Variants in MGAT4C observed in about 807,000 individuals in gnomAD.
The protein encoded by MGAT4C is MGAT4 family member C, also known as alpha-1,3-mannosyl-glycoprotein 4-beta-N-acetylglucosaminyltransferase C.
MGAT4C carries 19 observed loss-of-function variants against 40.1 expected under a neutral mutation model. That is an observed-to-expected ratio of 0.47 (90% CI 0.33 to 0.70). The LOEUF (loss-of-function observed/expected upper bound fraction) is 0.70, where lower values mean the gene tolerates loss of function less well. Ranked by LOEUF, MGAT4C falls within the 30% of genes least tolerant of loss-of-function variation. The pLI is 0.02. For synonymous variants in MGAT4C, 181 were observed against 187.1 expected (o/e 0.97, Z 0.27); for missense variants, 491 against 563.2 (o/e 0.87, Z 1.30).
intron 4 of MGAT4C, among the ~76,000 whole-genome samples, chr12:86,293,821 T>C (rs935336500): frequency 2.6e-5 from 4 of 152,144 alleles, no homozygotes; most frequent in Non-Finnish European, 5.9e-5. Flanking sequence ...CTGCATTCAC[T>C]CACTCCATCC....
At chr12:86,282,847 T>C (rs1183746984) in intron 4 of MGAT4C, among the ~76,000 whole-genome samples, 2 of 152,106 alleles carry the variant, frequency 1.3e-5, no homozygotes, top group African/African-American at 4.8e-5. Context: ...CTTTTCTATA[T>C]TGCATATCTT....
At chr12:86,733,686 G>T (rs991494796) in intron 1 of MGAT4C, among the ~76,000 whole-genome samples, 1 of 151,994 alleles carries the variant, frequency 6.6e-6, no homozygotes, top group South Asian at 2.1e-4. Flanking sequence ...TAATATAATT[G>T]TACTGTATGA....
At chr12:86,105,333 A>G (rs1304366708) in intron 1 of MGAT4C, among the ~76,000 whole-genome samples, 1 of 152,186 alleles carries the variant, frequency 6.6e-6, no homozygotes, top group Non-Finnish European at 1.5e-5. Flanking sequence ...CATGAACAAC[A>G]AAACCAAAAA....
chr12:86,069,885 G>T (rs967472554), intron 1 of MGAT4C, among the ~76,000 whole-genome samples: 2 of 151,826 alleles, frequency 1.3e-5, no homozygotes, highest in African/African-American at 4.8e-5. Flanking sequence ...TTATTAAAAT[G>T]GAAGTCAGAT....
At position 85,967,040 on chromosome 12, in the gene MGAT4C, TATA is replaced by T. The variant is rs1883403317; in HGVS notation, c.*12246_*12248del. The T allele has an allele frequency of 6.6e-6, 1 of 152,144 alleles. No individual in the cohort carries two copies. Among genetic ancestry groups the T allele is most frequent in the African/African-American group, 2.4e-5 (1 of 41,432 alleles). The allele number at this position is 152,144 out of a possible 1,614,324, so 9.4% of individuals were successfully genotyped here. ...TGCACATGTACCCTAAAACTTAAAGTATAATAATAAAAAAATTCTTAGTTATTT... is the reference window on the plus strand; with the variant it reads ...TGCACATGTACCCTAAAACTTAAAGTATAATAAAAAAATTCTTAGTTATTT... On this transcript the variant is annotated 3_prime_UTR_variant, in exon 5 of 5. Coordinates refer to ENST00000611864, the MANE Select transcript of MGAT4C (RefSeq NM_001351288.2).
At chr12:86,335,511 T>C (rs1035645827) in intron 3 of MGAT4C, among the ~76,000 whole-genome samples, 8 of 152,076 alleles carry the variant, frequency 5.3e-5, no homozygotes, top group African/African-American at 1.9e-4. Flanking sequence ...TAATATCCTC[T>C]GGTAGAATGG....
intron 4 of MGAT4C, among the ~76,000 whole-genome samples, chr12:86,311,814 C>G (rs1393494224): frequency 2.0e-5 from 3 of 152,162 alleles, no homozygotes; most frequent in Non-Finnish European, 4.4e-5. Context: ...CCCCACTTCC[C>G]CATCTTGGGT....
chr12:86,003,068 CAGGA>C (rs1887514730), intron 2 of MGAT4C, among the ~76,000 whole-genome samples: 2 of 152,056 alleles, frequency 1.3e-5, no homozygotes, highest in Non-Finnish European at 2.9e-5. Flanking sequence ...CCCAAAGTGT[CAGGA>C]TTACAGGTGT....
intron 3 of MGAT4C, among the ~76,000 whole-genome samples, chr12:86,392,180 A>T (rs1398549046): frequency 6.6e-6 from 1 of 152,118 alleles, no homozygotes; most frequent in Non-Finnish European, 1.5e-5. Context: ...AGCAAGAATT[A>T]GGTAATGTCG....
rs1463436678 is a variant in MGAT4C, at chr12:86,690,710, C to G, written c.-229+36499G>C. On this transcript the variant is annotated intron_variant, in intron 2 of 7. Transcript: ENST00000548651. ...GAAATCACCCGCCTTCTGCTTTGGT[C>G]TCACTAGGAACTGCAGACCGGAGCT... Among the ~76,000 whole-genome samples the G allele has an allele frequency of 3.3e-5, 5 of 152,274 alleles. No homozygotes were observed. In the South Asian group the frequency reaches 1.0e-3, roughly 32 times the overall value.
chr12:86,784,073 C>T lies in MGAT4C; in HGVS notation c.-262+54593G>A, dbSNP rs78571739. ...TCTGCCATGACTCCACCTCCACCTCCATTACCATATTCATCTACAATATTC... is the reference window on the plus strand; with the variant it reads ...TCTGCCATGACTCCACCTCCACCTCTATTACCATATTCATCTACAATATTC... On this transcript the variant is annotated intron_variant, in intron 1 of 7. Transcript: ENST00000548651. Among the ~76,000 whole-genome samples, 1,367 of 152,172 alleles carry T rather than the reference C, an allele frequency of 9.0e-3. 14 individuals are homozygous for T. Among genetic ancestry groups the T allele is most frequent in the African/African-American group, 0.032 (1,309 of 41,520 alleles).
intron 3 of MGAT4C, among the ~76,000 whole-genome samples, chr12:86,356,004 A>G (rs1275996567): frequency 6.6e-6 from 1 of 152,166 alleles, no homozygotes; most frequent in Non-Finnish European, 1.5e-5. Context: ...AAATAAAGAA[A>G]CCCAGATGGT....
intron 2 of MGAT4C, among the ~76,000 whole-genome samples, chr12:86,472,315 G>A (rs141014955): frequency 3.2e-4 from 49 of 152,282 alleles, no homozygotes; most frequent in African/African-American, 1.2e-3. Flanking sequence ...CTTTGTTTAT[G>A]TAGAATTTTC....
intron 3 of MGAT4C, among the ~76,000 whole-genome samples, chr12:86,378,391 T>C (rs1955870404): frequency 6.6e-6 from 1 of 152,210 alleles, no homozygotes; most frequent in Admixed American, 6.5e-5. Flanking sequence ...TTTTTCGTTT[T>C]TCCTTAGCTA....
chr12:86,323,130 GTT>G (rs931196996), intron 4 of MGAT4C, among the ~76,000 whole-genome samples: 1 of 141,382 alleles, frequency 7.1e-6, no homozygotes. Flanking sequence ...TTTCTTGGAA[GTT>G]TTTTTTTTTT....
At chr12:86,041,106 A>G (rs1592756839) in intron 2 of MGAT4C, among the ~76,000 whole-genome samples, 1 of 150,642 alleles carries the variant, frequency 6.6e-6, no homozygotes, top group Non-Finnish European at 1.5e-5. Flanking sequence ...GTTGCTGCAG[A>G]CCGGAGCTTT....
chr12:86,018,402 C>A (rs1166340383), intron 2 of MGAT4C, among the ~76,000 whole-genome samples: 1 of 152,170 alleles, frequency 6.6e-6, no homozygotes, highest in African/African-American at 2.4e-5. Context: ...GCAGTCAACT[C>A]TTCATCTGTC....
At chr12:86,646,946 G>T (rs558040511) in intron 2 of MGAT4C, among the ~76,000 whole-genome samples, 1 of 152,056 alleles carries the variant, frequency 6.6e-6, no homozygotes, top group East Asian at 2.0e-4. Flanking sequence ...TGGCCAAAGT[G>T]ACATTAGCCA....
chr12:86,075,615 C>T (rs1274656176), intron 1 of MGAT4C, among the ~76,000 whole-genome samples: 1 of 152,192 alleles, frequency 6.6e-6, no homozygotes, highest in African/African-American at 2.4e-5. Flanking sequence ...ATGAGGGCCC[C>T]ACCCCTGCAG....
Sources: gnomAD v4.1 joint callset for allele counts (sites outside exome capture counted in the v4.1 genomes callset) on GRCh38, gnomAD v4.1.1 for gene constraint, MANE v1.5 for transcripts, NCBI Gene and HGNC (gene_info 2026-07-23, HGNC 2026-07-21) for gene names.